Variants in CTNNA3 observed in about 807,000 individuals in gnomAD.
CTNNA3 encodes catenin alpha 3.
Under a neutral mutation model 95.7 loss-of-function variants are expected in CTNNA3, and 76 were observed. The observed-to-expected ratio is 0.79, with a 90% CI of 0.66 to 0.96. CTNNA3 has a LOEUF of 0.96. Ranked by LOEUF, CTNNA3 falls within the 40% of genes least tolerant of loss-of-function variation. CTNNA3 has a pLI of 0.00. For synonymous variants in CTNNA3, 431 were observed against 374.4 expected (o/e 1.15, Z -1.74); for missense variants, 1,191 against 1,089.8 (o/e 1.09, Z -1.31).
At chr10:67,556,516 T>G (rs987323125) in intron 3 of CTNNA3, among the ~76,000 whole-genome samples, 1 of 152,212 alleles carries the variant, frequency 6.6e-6, no homozygotes, top group African/African-American at 2.4e-5. Context: ...TATCCATTTC[T>G]TTTAGATTTT....
intron 7 of CTNNA3, among the ~76,000 whole-genome samples, chr10:67,138,382 T>C (rs1400125846): frequency 1.3e-5 from 2 of 152,236 alleles, no homozygotes; most frequent in East Asian, 3.8e-4. Context: ...AATCATACTG[T>C]TCAGTAGATC....
At chr10:67,069,643 T>A (rs1441144060) in intron 7 of CTNNA3, among the ~76,000 whole-genome samples, 1 of 149,070 alleles carries the variant, frequency 6.7e-6, no homozygotes, top group East Asian at 2.0e-4. Flanking sequence ...GTTCTGTCTG[T>A]TTTTGAAATG....
At chr10:65,962,077 T>A (rs2077856665) in intron 17 of CTNNA3, among the ~76,000 whole-genome samples, 1 of 152,102 alleles carries the variant, frequency 6.6e-6, no homozygotes, top group Non-Finnish European at 1.5e-5. Context: ...AGTCTCAGAA[T>A]CTATAAAGGT....
chr10:66,539,053 A>C (rs565567751), intron 10 of CTNNA3, among the ~76,000 whole-genome samples: 1 of 152,216 alleles, frequency 6.6e-6, no homozygotes, highest in South Asian at 2.1e-4. Context: ...TGTCATAATT[A>C]TATTACTCAT....
intron 3 of CTNNA3, among the ~76,000 whole-genome samples, chr10:67,577,724 A>G (rs200660387): frequency 0.01 from 1,452 of 143,682 alleles, 22 homozygotes; most frequent in African/African-American, 0.034. Context: ...GTGTGTGTGT[A>G]TATATACTAC....
intron 7 of CTNNA3, among the ~76,000 whole-genome samples, chr10:67,024,466 T>A (rs931474102): frequency 3.3e-5 from 5 of 152,230 alleles, no homozygotes; most frequent in Non-Finnish European, 7.3e-5. Context: ...GGTAACATAG[T>A]TGCAGGTTCT....
chr10:66,432,647 C>A (rs1435751036), intron 11 of CTNNA3, among the ~76,000 whole-genome samples: 2 of 137,070 alleles, frequency 1.5e-5, no homozygotes, highest in African/African-American at 2.8e-5. Flanking sequence ...GGTGACAGAG[C>A]GAGACCATCT....
intron 12 of CTNNA3, among the ~76,000 whole-genome samples, chr10:66,370,872 G>A (rs1180566856): frequency 6.6e-6 from 1 of 151,972 alleles, no homozygotes; most frequent in Admixed American, 6.6e-5. Context: ...ACCATGCCTG[G>A]CTAACATTTT....
intron 13 of CTNNA3, among the ~76,000 whole-genome samples, chr10:66,195,852 C>T (rs188888976): frequency 4.6e-5 from 7 of 151,156 alleles, no homozygotes; most frequent in African/African-American, 1.5e-4. Flanking sequence ...CAACATCCTG[C>T]TGGGTGAACA....
At chr10:67,712,509 G>A (rs1211543991) in intron 1 of CTNNA3, among the ~76,000 whole-genome samples, 5 of 152,214 alleles carry the variant, frequency 3.3e-5, no homozygotes, top group African/African-American at 4.8e-5. Context: ...TAGGGACTTG[G>A]TGCCTTGTGT....
At chr10:67,605,461 C>A (rs1296719166) in intron 3 of CTNNA3, among the ~76,000 whole-genome samples, 1 of 151,962 alleles carries the variant, frequency 6.6e-6, no homozygotes, top group African/African-American at 2.4e-5. Context: ...AACATGAAGA[C>A]TATAGTTAAT....
chr10:66,603,877 T>C (rs1316967754), intron 10 of CTNNA3, among the ~76,000 whole-genome samples: 2 of 152,282 alleles, frequency 1.3e-5, no homozygotes, highest in South Asian at 4.2e-4. Context: ...TATATTCATA[T>C]GCAGAAGAAT....
At chr10:67,330,818 C>T (rs150395641) in intron 5 of CTNNA3, among the ~76,000 whole-genome samples, 406 of 152,168 alleles carry the variant, frequency 2.7e-3, no homozygotes, top group Middle Eastern at 6.8e-3. Context: ...TGGTATTTCA[C>T]CCTGCCAAAG....
At chr10:66,634,935 A>C (rs1415525190) in intron 9 of CTNNA3, among the ~76,000 whole-genome samples, 1 of 152,124 alleles carries the variant, frequency 6.6e-6, no homozygotes, top group Admixed American at 6.5e-5. Flanking sequence ...ATTATGAGAA[A>C]TATATGTTAC....
intron 5 of CTNNA3, among the ~76,000 whole-genome samples, chr10:67,417,856 G>A (rs1845598893): frequency 6.6e-6 from 1 of 151,862 alleles, no homozygotes; most frequent in Admixed American, 6.6e-5. Context: ...TGACATATTG[G>A]CGAAGCATAA....
chr10:67,469,123 C>T (rs1847717101), intron 5 of CTNNA3, among the ~76,000 whole-genome samples: 1 of 151,884 alleles, frequency 6.6e-6, no homozygotes, highest in Non-Finnish European at 1.5e-5. Flanking sequence ...ACTCTAAGAA[C>T]AAAAAACAGT....
intron 15 of CTNNA3, among the ~76,000 whole-genome samples, chr10:65,989,729 G>A (rs2078500514): frequency 2.0e-5 from 3 of 152,066 alleles, no homozygotes; most frequent in African/African-American, 7.2e-5. Context: ...AATATTTGAA[G>A]TCTTCTCTTC....
chr10:66,908,694 A>G (rs535060141), intron 7 of CTNNA3, among the ~76,000 whole-genome samples: 1 of 152,042 alleles, frequency 6.6e-6, no homozygotes, highest in Non-Finnish European at 1.5e-5. Flanking sequence ...AAAAAAATTC[A>G]TTTTTATTAT....
At chr10:67,154,941 T>C (rs1012736314) in intron 7 of CTNNA3, among the ~76,000 whole-genome samples, 2 of 152,228 alleles carry the variant, frequency 1.3e-5, no homozygotes, top group African/African-American at 4.8e-5. Flanking sequence ...TTCTCCTGGA[T>C]AACATCTACC....
Sources: allele counts gnomAD v4.1 joint callset (sites outside exome capture counted in the v4.1 genomes callset), GRCh38; gene constraint gnomAD v4.1.1; transcripts MANE v1.5; gene names NCBI Gene and HGNC (gene_info 2026-07-23, HGNC 2026-07-21).